The following TRABD2B variants were observed in gnomAD, a reference collection of about 807,000 sequenced individuals.
TRABD2B encodes metalloprotease TIKI2.
A neutral mutation model predicts 40.1 loss-of-function variants in TRABD2B; 14 were observed. That is an observed-to-expected ratio of 0.35 (90% CI 0.23 to 0.55). The LOEUF (loss-of-function observed/expected upper bound fraction) is 0.55, where lower values mean the gene tolerates loss of function less well. Among genes scored for constraint, TRABD2B ranks in the 20% least tolerant of loss-of-function variants. TRABD2B has a pLI of 0.90. For synonymous variants in TRABD2B, 263 were observed against 277.0 expected, an observed-to-expected ratio of 0.95 and a Z score of 0.50; for missense variants, 541 against 648.6, an observed-to-expected ratio of 0.83 and a Z score of 1.80.
At chr1:47,993,933 T>C in intron 2 of TRABD2B, 101 bp downstream of exon 2, 1 of 1,239,266 alleles carries the variant, frequency 8.1e-7, no homozygotes, top group Non-Finnish European at 1.1e-6. Context: ...AGGACCTGAC[T>C]CTGGCTGCCT....
intron 4 of TRABD2B, among the ~76,000 whole-genome samples, chr1:47,785,766 T>G (rs1031807651): frequency 6.6e-6 from 1 of 152,242 alleles, no homozygotes; most frequent in Admixed American, 6.5e-5. Flanking sequence ...GGGATCTCCA[T>G]GGCCATGTCA....
chr1:47,881,747 T>G lies in TRABD2B; in HGVS notation c.667-80128A>C, dbSNP rs557701611. Among the ~76,000 whole-genome samples the G allele has an allele frequency of 6.6e-5, 10 of 152,332 alleles. No homozygotes were observed. In the East Asian group the frequency reaches 7.7e-4, roughly 12 times the overall value. ...CTTATCTGAACCTATGTGGCCAGGCTATCTTTTTCACTATGTGCTCATAGA... is the reference window on the plus strand; with the variant it reads ...CTTATCTGAACCTATGTGGCCAGGCGATCTTTTTCACTATGTGCTCATAGA... On this transcript the variant is annotated intron_variant, in intron 2 of 6. Transcript: ENST00000606738.
chr1:47,956,382 G>A (rs573391791), intron 2 of TRABD2B, among the ~76,000 whole-genome samples: 1 of 152,306 alleles, frequency 6.6e-6, no homozygotes, highest in African/African-American at 2.4e-5. Context: ...GCAGCCCATG[G>A]AGCATGAGCT....
chr1:47,974,981 C>T lies in TRABD2B; in HGVS notation c.666+19053G>A, dbSNP rs77126458. Among the ~76,000 whole-genome samples the T allele has an allele frequency of 3.7e-4, 57 of 152,310 alleles. 1 individual carries two copies. In the East Asian group the frequency reaches 9.1e-3, roughly 24 times the overall value. ...GACAAATCCCTATGGAGGGACAGTG[C>T]TCTTCAAAACTGTCAAGGTCATCGA... On this transcript the variant is annotated intron_variant, in intron 2 of 6. Transcript: ENST00000606738.
chr1:47,855,089 G>A (rs1643877995), intron 2 of TRABD2B, among the ~76,000 whole-genome samples: 2 of 152,186 alleles, frequency 1.3e-5, no homozygotes, highest in South Asian at 4.1e-4. Context: ...TGTGGTTCAT[G>A]TGGGTTTTTG....
intron 6 of TRABD2B, among the ~76,000 whole-genome samples, chr1:47,774,721 T>C (rs1337547320): frequency 6.6e-6 from 1 of 152,214 alleles, no homozygotes; most frequent in South Asian, 2.1e-4. Context: ...ATCCCATCTC[T>C]CTCTTAGAGC....
intron 2 of TRABD2B, among the ~76,000 whole-genome samples, chr1:47,818,392 C>A (rs1645063711): frequency 6.6e-6 from 1 of 152,240 alleles, no homozygotes; most frequent in South Asian, 2.1e-4. Flanking sequence ...CCTGTTTTGC[C>A]ATCTCTGACA....
chr1:47,848,029 G>A (rs542720267), intron 2 of TRABD2B, among the ~76,000 whole-genome samples: 1 of 152,234 alleles, frequency 6.6e-6, no homozygotes, highest in South Asian at 2.1e-4. Context: ...CTCTCTCCAG[G>A]CTAGGCTGCT....
At chr1:47,867,728 A>G (rs930911642) in intron 2 of TRABD2B, among the ~76,000 whole-genome samples, 3 of 152,146 alleles carry the variant, frequency 2.0e-5, no homozygotes, top group Non-Finnish European at 4.4e-5. Context: ...AAAATGATGC[A>G]CTCACTAATC....
chr1:47,928,411 C>T (rs1249788535), intron 2 of TRABD2B, among the ~76,000 whole-genome samples: 3 of 152,218 alleles, frequency 2.0e-5, no homozygotes, highest in East Asian at 1.9e-4. Flanking sequence ...TGAGATGATG[C>T]ATCAGATGCC....
At chr1:47,986,185 C>A (rs1375437866) in intron 2 of TRABD2B, among the ~76,000 whole-genome samples, 1 of 152,110 alleles carries the variant, frequency 6.6e-6, no homozygotes, top group Non-Finnish European at 1.5e-5. Context: ...AGGAAAAAAA[C>A]CCAAAATATC....
At chr1:47,930,246 G>A (rs1215717491) in intron 2 of TRABD2B, among the ~76,000 whole-genome samples, 1 of 152,246 alleles carries the variant, frequency 6.6e-6, no homozygotes, top group Non-Finnish European at 1.5e-5. Flanking sequence ...AAGACCAGGA[G>A]GCCAGGTGAT....
intron 2 of TRABD2B, among the ~76,000 whole-genome samples, chr1:47,814,692 A>T (rs1272989312): frequency 1.3e-5 from 2 of 152,140 alleles, no homozygotes; most frequent in Non-Finnish European, 2.9e-5. Context: ...ACAAATGCAG[A>T]TGAGACCCAG....
At chr1:47,962,026 T>A (rs894446211) in intron 2 of TRABD2B, among the ~76,000 whole-genome samples, 1 of 152,142 alleles carries the variant, frequency 6.6e-6, no homozygotes, top group Non-Finnish European at 1.5e-5. Flanking sequence ...TGGAATACTA[T>A]GCAGCCATAA....
chr1:47,990,771 T>TTATATATATA (rs55649435), intron 2 of TRABD2B, among the ~76,000 whole-genome samples: 3 of 36,576 alleles, frequency 8.2e-5, no homozygotes, highest in Admixed American at 3.3e-4. Flanking sequence ...AACGTTGGTT[T>TTATATATATA]TATATATATA....
At chr1:47,965,003 G>C (rs755797019) in intron 2 of TRABD2B, among the ~76,000 whole-genome samples, 1 of 151,812 alleles carries the variant, frequency 6.6e-6, no homozygotes, top group South Asian at 2.1e-4. Flanking sequence ...CATCTGACTC[G>C]ATCTTCAAAG....
chr1:47,873,184 C>T (rs758298507), intron 2 of TRABD2B, among the ~76,000 whole-genome samples: 37 of 152,090 alleles, frequency 2.4e-4, no homozygotes, highest in Non-Finnish European at 2.9e-4. Context: ...TAATTGCCTC[C>T]CAAAGGCCCC....
chr1:47,761,661 G>C lies in TRABD2B; in HGVS notation c.*4241C>G, dbSNP rs961289663. The C allele has an allele frequency of 2.6e-5, 4 of 152,226 alleles. No individual in the cohort carries two copies. The highest frequency in any genetic ancestry group is 6.5e-5 in the Admixed American group (1 of 15,290). The allele number at this position is 152,226 out of a possible 1,614,324, so 9.4% of individuals were successfully genotyped here. On this transcript the variant is annotated 3_prime_UTR_variant, in exon 7 of 7. Coordinates refer to ENST00000606738, the MANE Select transcript of TRABD2B (RefSeq NM_001194986.2). ...GGGACCCTCAATGTCATCTACACCA[G>C]GCCCTTGGCAAGATGTCAACTCTCC...
intron 2 of TRABD2B, among the ~76,000 whole-genome samples, chr1:47,936,410 G>C (rs1042345534): frequency 3.3e-5 from 5 of 152,128 alleles, no homozygotes; most frequent in African/African-American, 1.2e-4. Flanking sequence ...AAGGTGAACA[G>C]AGAACCCAGC....
Sources: gnomAD v4.1 joint callset for allele counts (sites outside exome capture counted in the v4.1 genomes callset) on GRCh38, gnomAD v4.1.1 for gene constraint, MANE v1.5 for transcripts, NCBI Gene and HGNC (gene_info 2026-07-23, HGNC 2026-07-21) for gene names.